Variants in RO60 observed in about 807,000 individuals in gnomAD.
RO60 encodes RNA-binding protein RO60.
In RO60, 20 loss-of-function variants were observed where a neutral mutation model predicts 55.3. That is an observed-to-expected ratio of 0.36 (90% confidence interval 0.25 to 0.53). RO60 has a LOEUF of 0.53. RO60 is among the 20% of genes least tolerant of loss of function. RO60 has a pLI of 0.92. For missense variants in RO60, 558 were observed against 646.6 expected (o/e 0.86, Z 1.49); for synonymous variants, 213 against 213.6 (o/e 1.00, Z 0.02).
At chr1:193,070,601 T>C in intron 2 of RO60, 1 of 450,732 alleles carries the variant, frequency 2.2e-6, no homozygotes, top group South Asian at 1.6e-5. Context: ...CACATTTCAG[T>C]TCTGTGGACT....
chr1:193,064,546 T>C (rs1672987893), intron 1 of RO60, among the ~76,000 whole-genome samples: 1 of 152,216 alleles, frequency 6.6e-6, no homozygotes, highest in Non-Finnish European at 1.5e-5. Flanking sequence ...ACTTGGGACA[T>C]GTTATTCTGT....
rs1673307912 is a variant in RO60, at chr1:193,069,099, G to T, written c.45G>T (p.Gln15His). The change falls in exon 2 of 9, where the codon CAG becomes CAT. Residue 15 changes from glutamine to histidine, a missense_variant. By Grantham distance (24) the Gln-to-His change is conservative. Transcript: ENST00000400968. Reference sequence around the variant, plus strand: ...AAATGCAGCCACTGAATGAGAAGCAGATAGCCAATTCTCAGGATGGATATG... The same window carrying T: ...AAATGCAGCCACTGAATGAGAAGCATATAGCCAATTCTCAGGATGGATATG... ...VNQMQPLNEKQIANSQDGYVW... is the reference protein window; with the variant it reads ...VNQMQPLNEKHIANSQDGYVW... 1 of 1,613,902 alleles carries T rather than the reference G, an allele frequency of 6.2e-7. No individual in the cohort carries two copies. Among genetic ancestry groups the T allele is most frequent in the African/African-American group, 1.3e-5 (1 of 74,930 alleles).
At chr1:193,083,665 C>T (rs141709304) in intron 8 of RO60, among the ~76,000 whole-genome samples, 278 of 152,342 alleles carry the variant, frequency 1.8e-3, no homozygotes, top group African/African-American at 6.6e-3. Context: ...GAAACTCTGA[C>T]GTTGGGACTG....
chr1:193,061,355 A>G (rs1016632101), intron 1 of RO60, among the ~76,000 whole-genome samples: 4 of 152,334 alleles, frequency 2.6e-5, no homozygotes, highest in South Asian at 4.1e-4. Context: ...TACATTTGTC[A>G]TGCACTCTCA....
At chr1:193,077,126 G>T in intron 5 of RO60, 76 bp downstream of exon 5, 2 of 1,343,832 alleles carry the variant, frequency 1.5e-6, no homozygotes, top group South Asian at 1.6e-5. Context: ...TTTAAAGGTA[G>T]TATTAATAGT....
At position 193,084,967 on chromosome 1, in the gene RO60, ATAGAG is replaced by A; in HGVS notation, c.*237_*241del. 1.3e-6 allele frequency: 2 copies of A among 1,545,144 alleles called. No individual in the cohort carries two copies. The highest frequency in any genetic ancestry group is 2.4e-5 in the South Asian group (2 of 83,668). ...AGGATACTGTAGTTTCCTCTATCTA[ATAGAG>A]AACTTTTTGTTAACAGACACTGTAA... On this transcript the variant is annotated 3_prime_UTR_variant, in exon 9 of 9. Transcript: ENST00000400968.
chr1:193,072,724 A>C (rs1260024691), intron 2 of RO60, among the ~76,000 whole-genome samples: 1 of 152,252 alleles, frequency 6.6e-6, no homozygotes, highest in East Asian at 1.9e-4. Context: ...TGGAGCAAGT[A>C]CTAGACTAAG....
intron 5 of RO60, among the ~76,000 whole-genome samples, chr1:193,080,906 T>C (rs902077925): frequency 6.6e-6 from 1 of 152,146 alleles, no homozygotes; most frequent in Non-Finnish European, 1.5e-5. Context: ...CAAGTTCTAT[T>C]TGGGATGATG....
rs375613734 is a variant in RO60 at position 193,069,211 on chromosome 1, T to G, written c.157T>G (p.Leu53Val). Reference protein sequence around the residue: ...GGTYYIKEQKLGLENAEALIR... With the variant: ...GGTYYIKEQKVGLENAEALIR... ...GACTTATTATATCAAAGAACAGAAG[T>G]TGGGCCTTGAAAATGCTGAAGCTTT... Residue 53 changes from leucine to valine, a missense_variant, in exon 2 of 9, where the codon TTG becomes GTG. Leu to Val is a conservative substitution (Grantham distance 32). Transcript: ENST00000400968. 11 of 1,614,086 alleles carry G rather than the reference T, an allele frequency of 6.8e-6. No homozygotes were observed. In the Admixed American group the frequency reaches 1.8e-4, roughly 27 times the overall value.
Position 193,084,791 on chromosome 1 carries a change from C to A in RO60, c.*60C>A, listed in dbSNP as rs146182630. On this transcript the variant is annotated 3_prime_UTR_variant, in exon 9 of 9. Transcript: ENST00000400968. ...CATCAGTGATCTCACTAAAAATATA[C>A]AGCTACTTCCCAGCTAATCTCCACC... 4 of 1,570,418 alleles carry A rather than the reference C, an allele frequency of 2.5e-6. No homozygotes were observed. The highest frequency in any genetic ancestry group is 2.6e-6 in the Non-Finnish European group (3 of 1,160,896).
rs1463326750 is a variant in RO60, at chr1:193,081,353, T to C, written c.1087-11T>C. 1 of 1,485,868 alleles carries C rather than the reference T, an allele frequency of 6.7e-7. No homozygotes were observed. The highest frequency in any genetic ancestry group is 9.3e-7 in the Non-Finnish European group (1 of 1,072,154). The allele number at this position is 1,485,868 out of a possible 1,614,324, so 92.0% of individuals were successfully genotyped here. On this transcript the variant is annotated splice_polypyrimidine_tract_variant and intron_variant, in intron 5 of 8. Coordinates refer to ENST00000400968, the MANE Select transcript of RO60 (RefSeq NM_001173524.2). ...GTTATGCTTTTAATGATTGTTTTGT[T>C]TTCTCTGTAGACAGTTGAACCAACT...
chr1:193,073,664 C>T (rs1400138079), intron 2 of RO60, among the ~76,000 whole-genome samples: 6 of 152,284 alleles, frequency 3.9e-5, no homozygotes, highest in Admixed American at 1.3e-4. Context: ...ACCTCTGCCT[C>T]CTCAGTTCAA....
Position 193,082,646 on chromosome 1 carries a change from A to G in RO60, c.1402A>G (p.Thr468Ala), listed in dbSNP as rs1674392133. 7 of 1,613,900 alleles carry G rather than the reference A, an allele frequency of 4.3e-6. No homozygotes were observed. The highest frequency in any genetic ancestry group is 5.9e-6 in the Non-Finnish European group (7 of 1,179,902). Reference protein sequence around the residue: ...NTPADVFIVFTDNETFAGGVH... With the variant: ...NTPADVFIVFADNETFAGGVH... ...ACCTGCTGATGTCTTCATTGTATTCACTGATAATGAGACCTTTGCTGGAGG... is the reference window on the plus strand; with the variant it reads ...ACCTGCTGATGTCTTCATTGTATTCGCTGATAATGAGACCTTTGCTGGAGG... The change falls in exon 8 of 9, where the codon ACT becomes GCT. Residue 468 changes from threonine (T) to alanine (A), a missense_variant. Coordinates refer to ENST00000400968, the MANE Select transcript of RO60 (RefSeq NM_001173524.2).
Position 193,087,994 on chromosome 1 carries a change from T to C in RO60, c.*3263T>C, listed in dbSNP as rs188922867. 5.3e-5 allele frequency: 8 copies of C among 151,924 alleles called. No homozygotes were observed. The highest frequency in any genetic ancestry group is 1.0e-4 in the Non-Finnish European group (7 of 67,964). The allele number at this position is 151,924 out of a possible 1,614,324, so 9.4% of individuals were successfully genotyped here. ...GGACAGACCTAGAAAAACAAGCTTA[T>C]ACTCTGAGGAAATGCTGTTAACAAA... On this transcript the variant is annotated 3_prime_UTR_variant, in exon 9 of 9. Coordinates refer to ENST00000400968, the MANE Select transcript of RO60 (RefSeq NM_001173524.2).
At chr1:193,077,620 G>T (rs567139500) in intron 5 of RO60, among the ~76,000 whole-genome samples, 1 of 152,196 alleles carries the variant, frequency 6.6e-6, no homozygotes, top group Admixed American at 6.5e-5. Flanking sequence ...TCTCTACCTG[G>T]TCCCACCCTT....
At chr1:193,083,925 G>A (rs1383032174) in intron 8 of RO60, among the ~76,000 whole-genome samples, 3 of 152,120 alleles carry the variant, frequency 2.0e-5, no homozygotes, top group South Asian at 2.1e-4. Flanking sequence ...TGTGAGTCCC[G>A]AGTCTTTCTC....
In RO60 at chr1:193,084,938, C is replaced by A; in HGVS notation, c.*207C>A. ...ACTAAACTAGCTCTTGGGGAAATAG[C>A]TTCAGGATACTGTAGTTTCCTCTAT... On this transcript the variant is annotated 3_prime_UTR_variant, in exon 9 of 9. Coordinates refer to ENST00000400968, the MANE Select transcript of RO60 (RefSeq NM_001173524.2). 6.6e-7 allele frequency: 1 copy of A among 1,522,730 alleles called. No homozygotes were observed. 94.3% of individuals were successfully genotyped at this position (1,522,730 alleles called of 1,614,324 possible).
Position 193,069,628 on chromosome 1 carries a change from A to G in RO60, c.574A>G (p.Ser192Gly). ...LLRLSHLKPS[S>G]EGLAIVTKYI... is the part of the protein sequence containing the mutation. ...AAGATTGTCACATCTTAAACCTTCC[A>G]GTGAAGGTAAGCATAAGATCTTCAT... Residue 192 changes from serine (S) to glycine (G), a missense_variant, in exon 2 of 9, where the codon AGT becomes GGT. Transcript: ENST00000400968. 1 of 1,606,044 alleles carries G rather than the reference A, an allele frequency of 6.2e-7. No homozygotes were observed. The highest frequency in any genetic ancestry group is 1.1e-5 in the South Asian group (1 of 90,626).
At chr1:193,074,743 TA>T in intron 2 of RO60, among the ~76,000 whole-genome samples, 1 of 152,244 alleles carries the variant, frequency 6.6e-6, no homozygotes. Flanking sequence ...TTGAATTAGA[TA>T]CCATTTGTGA....
Sources: gnomAD v4.1 joint callset for allele counts (sites outside exome capture counted in the v4.1 genomes callset) on GRCh38, gnomAD v4.1.1 for gene constraint, MANE v1.5 for transcripts, NCBI Gene and HGNC (gene_info 2026-07-23, HGNC 2026-07-21) for gene names.